The following FOXN2 variants were observed in gnomAD, a reference collection of about 807,000 sequenced individuals.
The protein encoded by FOXN2 is forkhead box N2, also known as forkhead box protein N2.
Under a neutral mutation model 41.2 loss-of-function variants are expected in FOXN2, and 19 were observed. That is an observed-to-expected ratio of 0.46 (90% CI 0.32 to 0.68). FOXN2 has a LOEUF of 0.68. FOXN2 is among the 30% of genes least tolerant of loss of function. The pLI is 0.03. For synonymous variants in FOXN2, 195 were observed against 176.8 expected (o/e 1.10, Z -0.82); for missense variants, 587 against 509.4 (o/e 1.15, Z -1.47).
intron 1 of FOXN2, among the ~76,000 whole-genome samples, chr2:48,327,000 C>G (rs970812044): frequency 6.6e-6 from 1 of 152,012 alleles, no homozygotes. Context: ...TAATGTTGAC[C>G]TAGGCTATAG....
At chr2:48,344,566 TTTAA>T (rs1444239107) in intron 2 of FOXN2, among the ~76,000 whole-genome samples, 1 of 152,178 alleles carries the variant, frequency 6.6e-6, no homozygotes, top group Non-Finnish European at 1.5e-5. Flanking sequence ...CCTTATAGGG[TTTAA>T]TTGACAGTTA....
intron 5 of FOXN2, among the ~76,000 whole-genome samples, chr2:48,367,540 A>G (rs1048556077): frequency 1.3e-5 from 2 of 152,248 alleles, no homozygotes; most frequent in Non-Finnish European, 1.5e-5. Context: ...GAGAATTACA[A>G]GAGACAGCTT....
At chr2:48,325,806 A>G (rs1257036684) in intron 1 of FOXN2, among the ~76,000 whole-genome samples, 2 of 149,932 alleles carry the variant, frequency 1.3e-5, no homozygotes, top group Non-Finnish European at 1.5e-5. Context: ...GGGCCCCTCC[A>G]TAGTCTGGGA....
intron 2 of FOXN2, among the ~76,000 whole-genome samples, chr2:48,343,427 A>G (rs1284437091): frequency 1.3e-5 from 2 of 152,172 alleles, no homozygotes; most frequent in South Asian, 2.1e-4. Context: ...CTCATACTCA[A>G]CATTTTGAAA....
chr2:48,372,898 A>G (rs763419957), intron 5 of FOXN2, among the ~76,000 whole-genome samples: 2 of 151,714 alleles, frequency 1.3e-5, no homozygotes, highest in East Asian at 3.8e-4. Context: ...ATGCATAGGT[A>G]ATGATAGTAT....
At chr2:48,367,530 G>T (rs929622675) in intron 5 of FOXN2, among the ~76,000 whole-genome samples, 3 of 152,166 alleles carry the variant, frequency 2.0e-5, no homozygotes, top group Non-Finnish European at 2.9e-5. Context: ...TTCTACTTCA[G>T]AGAATTACAA....
At chr2:48,369,204 CA>C (rs1442416467) in intron 5 of FOXN2, among the ~76,000 whole-genome samples, 1 of 152,068 alleles carries the variant, frequency 6.6e-6, no homozygotes, top group Admixed American at 6.5e-5. Flanking sequence ...TGTTGTGTTT[CA>C]AAATAATGTT....
chr2:48,352,668 C>T (rs1464370832), intron 3 of FOXN2, among the ~76,000 whole-genome samples: 1 of 152,168 alleles, frequency 6.6e-6, no homozygotes, highest in Non-Finnish European at 1.5e-5. Flanking sequence ...CTCTCTTCTC[C>T]AAGGATCTAT....
At position 48,374,931 on chromosome 2, in the gene FOXN2, C is replaced by G. The variant is rs768168974; in HGVS notation, c.784C>G (p.Leu262Val). 1 of 1,609,694 alleles carries G rather than the reference C, an allele frequency of 6.2e-7. No homozygotes were observed. The stretch of plus-strand genomic sequence containing the variant: ...TTTATTTTCCACAGGTGAGAAGCCT[C>G]TTCCTCTTAAAACAGCATTGCAAAA... ...EQGILECEKP[L>V]PLKTALQKKR... Residue 262 changes from leucine (L) to valine (V), a missense_variant, in exon 7 of 7, where the codon CTT (leucine) becomes GTT (valine). Transcript: ENST00000340553.
chr2:48,368,154 T>A (rs1427193972), intron 5 of FOXN2, among the ~76,000 whole-genome samples: 6 of 152,172 alleles, frequency 3.9e-5, no homozygotes, highest in Non-Finnish European at 1.5e-5. Context: ...ATTCATGGTG[T>A]TGACACGGTT....
intron 2 of FOXN2, among the ~76,000 whole-genome samples, chr2:48,334,651 A>G (rs1341057389): frequency 1.3e-5 from 2 of 152,154 alleles, no homozygotes; most frequent in African/African-American, 2.4e-5. Flanking sequence ...GAATCTGGCT[A>G]TTGCTTTGAG....
At chr2:48,319,401 G>T (rs1370954037) in intron 1 of FOXN2, among the ~76,000 whole-genome samples, 1 of 151,982 alleles carries the variant, frequency 6.6e-6, no homozygotes, top group African/African-American at 2.4e-5. Context: ...ATGTTACTGG[G>T]AATGTTTTTA....
chr2:48,372,353 A>G (rs1210172786), intron 5 of FOXN2, among the ~76,000 whole-genome samples: 1 of 152,236 alleles, frequency 6.6e-6, no homozygotes, highest in Non-Finnish European at 1.5e-5. Context: ...TATCTACAAT[A>G]ACTTTTAAAT....
chr2:48,330,331 T>A (rs1215481149), intron 2 of FOXN2, among the ~76,000 whole-genome samples: 3 of 152,266 alleles, frequency 2.0e-5, no homozygotes, highest in African/African-American at 7.2e-5. Context: ...TTATTATGTA[T>A]TAAATCTTAG....
Position 48,375,147 on chromosome 2 carries a change from C to A in FOXN2, c.1000C>A (p.Pro334Thr). The A allele has an allele frequency of 6.2e-7, 1 of 1,614,006 alleles. No individual in the cohort carries two copies. Among genetic ancestry groups the A allele is most frequent in the East Asian group, 2.2e-5 (1 of 44,872 alleles). Residue 334 changes from proline (P) to threonine (T), a missense_variant, in exon 7 of 7, where the codon CCA becomes ACA. Transcript: ENST00000340553. The stretch of plus-strand genomic sequence containing the variant: ...TGTGGATGAGGTATATGAATTTATC[C>A]CAAAGAATAGTCACGTGGGAAGTGA... ...SSVDEVYEFI[P>T]KNSHVGSDGS...
At position 48,362,353 on chromosome 2, in the gene FOXN2, C is replaced by G. The variant is rs373071330; in HGVS notation, c.639-290C>G. ...GGCCAAGGCAGGTAGACTGCTTGAG[C>G]CCAGGAGTTTGAGACTAGCTTGTAC... is the stretch of plus-strand genomic sequence containing the variant. On this transcript the variant is annotated intron_variant, in intron 4 of 6. Transcript: ENST00000340553. Among the ~76,000 whole-genome samples the G allele has an allele frequency of 3.9e-5, 6 of 152,094 alleles. No individual in the cohort carries two copies. The East Asian group carries it at 7.7e-4, about 20-fold the overall frequency.
At chr2:48,347,129 A>G (rs1053211690) in intron 3 of FOXN2, among the ~76,000 whole-genome samples, 3 of 149,812 alleles carry the variant, frequency 2.0e-5, no homozygotes, top group South Asian at 4.2e-4. Context: ...GTTTAAATCT[A>G]TCACCTTGCT....
At chr2:48,374,862 G>T in intron 6 of FOXN2, 58 bp from the exon 7 acceptor site, 6 of 1,409,218 alleles carry the variant, frequency 4.3e-6, no homozygotes, top group Non-Finnish European at 5.8e-6. Flanking sequence ...GTTTAAAATT[G>T]GTCTGTTTTT....
Position 48,375,495 on chromosome 2 carries a change from T to A in FOXN2, c.*52T>A. On this transcript the variant is annotated 3_prime_UTR_variant, in exon 7 of 7. Coordinates refer to ENST00000340553, the MANE Select transcript of FOXN2 (RefSeq NM_002158.4). ...TTCACTTAATTCTTTACAAGGGATA[T>A]CAAAGCCATAATGGACTTCATTAGT... 6.8e-7 allele frequency: 1 copy of A among 1,479,792 alleles called. No homozygotes were observed. The highest frequency in any genetic ancestry group is 9.1e-7 in the Non-Finnish European group (1 of 1,103,178). The allele number at this position is 1,479,792 out of a possible 1,614,324, so 91.7% of individuals were successfully genotyped here.
Sources: gnomAD v4.1 joint callset for allele counts (sites outside exome capture counted in the v4.1 genomes callset) on GRCh38, gnomAD v4.1.1 for gene constraint, MANE v1.5 for transcripts, NCBI Gene and HGNC (gene_info 2026-07-23, HGNC 2026-07-21) for gene names.